ARHGAP26: variants seen among roughly 807,000 people sequenced by gnomAD.
The protein encoded by ARHGAP26 is Rho GTPase activating protein 26, also known as rho GTPase-activating protein 26.
In ARHGAP26, 38 loss-of-function variants were observed where a neutral mutation model predicts 104.8. The ratio of observed to expected loss-of-function variants is 0.36; its 90% confidence interval spans 0.28 to 0.48. The LOEUF is 0.48. ARHGAP26 is among the 20% of genes least tolerant of loss of function. ARHGAP26 has a pLI of 0.99. For missense variants in ARHGAP26, 704 were observed against 947.9 expected, an observed-to-expected ratio of 0.74 and a Z score of 3.38; for synonymous variants, 341 against 340.0, an observed-to-expected ratio of 1.00 and a Z score of -0.03.
rs1801402133 is a variant in ARHGAP26, at chr5:143,162,585, ACATTT to A, written c.1988+15213_1988+15217del. ...GCATTATCCCAAGAGAAGACTACAA[ACATTT>A]CATTTCATATGAGGAAATAAACACC... On this transcript the variant is annotated intron_variant, in intron 20 of 22. Coordinates refer to ENST00000645722, the MANE Select transcript of ARHGAP26 (RefSeq NM_001135608.3). 3.3e-5 allele frequency among the ~76,000 whole-genome samples: 5 copies of A among 152,186 alleles called. No homozygotes were observed. The South Asian group carries it at 1.0e-3, about 32-fold the overall frequency.
rs1776156777 is a variant in ARHGAP26 at position 142,994,818 on chromosome 5, G to C, written c.1108-19262G>C. Among the ~76,000 whole-genome samples the C allele has an allele frequency of 4.6e-5, 7 of 152,260 alleles. No individual in the cohort carries two copies. In the South Asian group the frequency reaches 1.5e-3, roughly 32 times the overall value. On this transcript the variant is annotated intron_variant, in intron 11 of 22. Coordinates refer to ENST00000645722, the MANE Select transcript of ARHGAP26 (RefSeq NM_001135608.3). ...GCTGCTGCTACCTTCTACTTTATGT[G>C]GTATGCTCTCCATTTTATAGATGGG...
At chr5:143,048,685 G>A (rs527773937) in intron 14 of ARHGAP26, among the ~76,000 whole-genome samples, 5 of 151,968 alleles carry the variant, frequency 3.3e-5, no homozygotes, top group African/African-American at 1.2e-4. Context: ...GGAGGCCGAG[G>A]AGGGCGGATC....
intron 1 of ARHGAP26, among the ~76,000 whole-genome samples, chr5:142,777,355 AG>A (rs757193386): frequency 1.1e-4 from 17 of 152,326 alleles, no homozygotes; most frequent in Admixed American, 3.3e-4. Context: ...GGCCTGCATA[AG>A]CTAATGATCC....
At chr5:142,968,709 A>G (rs1195753760) in intron 11 of ARHGAP26, among the ~76,000 whole-genome samples, 2 of 152,084 alleles carry the variant, frequency 1.3e-5, no homozygotes, top group Admixed American at 1.3e-4. Context: ...TGTGCTTCAC[A>G]TGTTCTTTTG....
At chr5:143,154,855 T>A (rs906362554) in intron 20 of ARHGAP26, among the ~76,000 whole-genome samples, 88 of 152,244 alleles carry the variant, frequency 5.8e-4, no homozygotes, top group Admixed American at 2.9e-3. Context: ...TCATAGCATT[T>A]TTTTTTTTAA....
At chr5:143,078,620 G>A (rs1025174015) in intron 17 of ARHGAP26, among the ~76,000 whole-genome samples, 7 of 152,140 alleles carry the variant, frequency 4.6e-5, no homozygotes, top group African/African-American at 1.7e-4. Context: ...GTGTCTTGCT[G>A]GTAAGCAGAG....
At chr5:143,127,685 C>G (rs986284161) in intron 18 of ARHGAP26, among the ~76,000 whole-genome samples, 2 of 152,280 alleles carry the variant, frequency 1.3e-5, no homozygotes, top group South Asian at 4.1e-4. Context: ...TTTGGGCCAC[C>G]AATCTGCCTT....
At chr5:143,081,765 G>C (rs1598925886) in intron 17 of ARHGAP26, among the ~76,000 whole-genome samples, 1 of 152,222 alleles carries the variant, frequency 6.6e-6, no homozygotes, top group Non-Finnish European at 1.5e-5. Flanking sequence ...TGTAATCCCA[G>C]CACTCTGGGA....
intron 15 of ARHGAP26, among the ~76,000 whole-genome samples, chr5:143,055,732 A>G (rs1368695515): frequency 2.0e-5 from 3 of 152,248 alleles, no homozygotes; most frequent in African/African-American, 7.2e-5. Context: ...TGTTGTTGAT[A>G]GATGAGTCAC....
chr5:142,931,974 T>G (rs1598293212), intron 10 of ARHGAP26, 73 bp from the exon 11 acceptor site: 1 of 1,403,512 alleles, frequency 7.1e-7, no homozygotes. Context: ...TGAGTGGATG[T>G]TTAAGATTTG....
chr5:142,963,189 T>TATATATATATATATACAC (rs1562164724), intron 11 of ARHGAP26, among the ~76,000 whole-genome samples: 1 of 111,114 alleles, frequency 9.0e-6, no homozygotes, highest in African/African-American at 4.6e-5. Context: ...TATATATATA[T>TATATATATATATATACAC]ATATATATAT....
At chr5:142,912,227 T>G (rs1249343280) in intron 9 of ARHGAP26, among the ~76,000 whole-genome samples, 1 of 152,122 alleles carries the variant, frequency 6.6e-6, no homozygotes, top group African/African-American at 2.4e-5. Flanking sequence ...TACTCAACAA[T>G]AAAGAGAAAT....
chr5:142,889,587 C>A (rs1248462253), intron 5 of ARHGAP26, among the ~76,000 whole-genome samples: 1 of 152,096 alleles, frequency 6.6e-6, no homozygotes, highest in African/African-American at 2.4e-5. Context: ...CACTCCACTC[C>A]AGCCTGGGCA....
At chr5:143,064,022 A>T (rs1017204666) in intron 17 of ARHGAP26, among the ~76,000 whole-genome samples, 1 of 152,120 alleles carries the variant, frequency 6.6e-6, no homozygotes, top group Non-Finnish European at 1.5e-5. Flanking sequence ...CAGCCCACAC[A>T]TGTGTTTGGT....
chr5:142,814,261 T>A (rs1458051886), intron 1 of ARHGAP26, among the ~76,000 whole-genome samples: 1 of 152,234 alleles, frequency 6.6e-6, no homozygotes, highest in Non-Finnish European at 1.5e-5. Context: ...GCTAGAGCCT[T>A]CCGGTAATCT....
chr5:142,967,318 T>C (rs191041729), intron 11 of ARHGAP26, among the ~76,000 whole-genome samples: 1 of 152,192 alleles, frequency 6.6e-6, no homozygotes, highest in Non-Finnish European at 1.5e-5. Flanking sequence ...TGTCAAGCGG[T>C]TAGAAGGTGT....
intron 12 of ARHGAP26, 104 bp from the exon 13 acceptor site, chr5:143,037,092 A>G: frequency 1.5e-6 from 1 of 684,918 alleles, no homozygotes; most frequent in African/African-American, 1.8e-5. Context: ...CTAAAAGGAT[A>G]TGTGACCACA....
intron 17 of ARHGAP26, among the ~76,000 whole-genome samples, chr5:143,097,379 AAAAAG>A (rs1792514105): frequency 6.6e-6 from 1 of 151,352 alleles, no homozygotes; most frequent in Non-Finnish European, 1.5e-5. Flanking sequence ...AAAAAAAAAA[AAAAAG>A]AGCATATCTG....
At chr5:143,094,430 G>C (rs1598984783) in intron 17 of ARHGAP26, among the ~76,000 whole-genome samples, 1 of 152,210 alleles carries the variant, frequency 6.6e-6, no homozygotes, top group South Asian at 2.1e-4. Context: ...TGCCACAAGG[G>C]GGTGGGGTGC....
Sources: gnomAD v4.1 joint callset for allele counts (sites outside exome capture counted in the v4.1 genomes callset) on GRCh38, gnomAD v4.1.1 for gene constraint, MANE v1.5 for transcripts, NCBI Gene and HGNC (gene_info 2026-07-23, HGNC 2026-07-21) for gene names.